DCLK3: variants seen among roughly 807,000 people sequenced by gnomAD.
The protein encoded by DCLK3 is serine/threonine-protein kinase DCLK3.
Under a neutral mutation model 46.4 loss-of-function variants are expected in DCLK3, and 30 were observed. The observed-to-expected ratio is 0.65, with a 90% CI of 0.48 to 0.88. The LOEUF is 0.88. Among genes scored for constraint, DCLK3 ranks in the 40% least tolerant of loss-of-function variants. DCLK3 has a pLI of 0.00. For synonymous variants in DCLK3, 401 were observed against 339.2 expected (o/e 1.18, Z -2.00); for missense variants, 846 against 907.1 (o/e 0.93, Z 0.87).
intron 1 of DCLK3, among the ~76,000 whole-genome samples, chr3:36,745,316 G>A (rs537156666): frequency 2.6e-5 from 4 of 152,194 alleles, no homozygotes; most frequent in South Asian, 2.1e-4. Flanking sequence ...CAGTATTAAC[G>A]TCAGAATTTT....
chr3:36,757,119 T>C lies in DCLK3; in HGVS notation c.82+7063A>G, dbSNP rs140007490. On this transcript the variant is annotated intron_variant, in intron 1 of 4. Transcript: ENST00000636136. ...GTAAATACCAAGTTACATTTTAAAA[T>C]ATGTAATGCCAAAATTTTAATTAAC... 7.4e-4 allele frequency among the ~76,000 whole-genome samples: 112 copies of C among 152,292 alleles called. 2 individuals are homozygous for C. The highest frequency in any genetic ancestry group is 2.6e-3 in the African/African-American group (107 of 41,546).
chr3:36,719,848 C>T (rs1305615696), intron 3 of DCLK3, among the ~76,000 whole-genome samples: 2 of 152,238 alleles, frequency 1.3e-5, no homozygotes, highest in East Asian at 1.9e-4. Flanking sequence ...TTAGTTGGTG[C>T]TACCACCAAT....
At position 36,715,213 on chromosome 3, in the gene DCLK3, C is replaced by T. The variant is rs991429671; in HGVS notation, c.*115G>A. On this transcript the variant is annotated 3_prime_UTR_variant, in exon 5 of 5. Transcript: ENST00000636136. The stretch of plus-strand genomic sequence containing the variant: ...CTTTAAAATATACTCAGTGTCTCTC[C>T]CTCTGATTCACCAATTATGTGAAGA... 13 of 1,163,024 alleles carry T rather than the reference C, an allele frequency of 1.1e-5. No homozygotes were observed. The highest frequency in any genetic ancestry group is 1.5e-5 in the Non-Finnish European group (13 of 843,050). The allele number at this position is 1,163,024 out of a possible 1,614,324, so 72.0% of individuals were successfully genotyped here.
intron 2 of DCLK3, among the ~76,000 whole-genome samples, chr3:36,732,989 G>C (rs7651380): frequency 6.6e-6 from 1 of 152,148 alleles, no homozygotes; most frequent in African/African-American, 2.4e-5. Flanking sequence ...AAGTGTGGCC[G>C]GCTACTCTTT....
intron 2 of DCLK3, among the ~76,000 whole-genome samples, chr3:36,735,955 G>C (rs1402842044): frequency 6.6e-6 from 1 of 152,252 alleles, no homozygotes; most frequent in Non-Finnish European, 1.5e-5. Flanking sequence ...TAAGAGGAGG[G>C]AGACAGAAAG....
intron 2 of DCLK3, among the ~76,000 whole-genome samples, chr3:36,735,490 G>T (rs1701249848): frequency 6.6e-6 from 1 of 152,178 alleles, no homozygotes; most frequent in Admixed American, 6.5e-5. Context: ...CATTTCACTG[G>T]ATAATTAGCT....
At chr3:36,746,706 T>C (rs1701396379) in intron 1 of DCLK3, among the ~76,000 whole-genome samples, 1 of 152,134 alleles carries the variant, frequency 6.6e-6, no homozygotes, top group Non-Finnish European at 1.5e-5. Context: ...AAGGTCTGAG[T>C]TTTTCCCTGC....
rs576527131 is a variant in DCLK3 at position 36,736,460 on chromosome 3, G to T, written c.1959+748C>A. Reference sequence around the variant, plus strand: ...GTCTTGATCCATTATGGTCAGAGTGGCCTTATCTGATGTTGTGATCTGTGA... The same window carrying T: ...GTCTTGATCCATTATGGTCAGAGTGTCCTTATCTGATGTTGTGATCTGTGA... On this transcript the variant is annotated intron_variant, in intron 2 of 4. Coordinates refer to ENST00000636136, the MANE Select transcript of DCLK3 (RefSeq NM_001394672.2). 5.9e-5 allele frequency among the ~76,000 whole-genome samples: 9 copies of T among 152,248 alleles called. No homozygotes were observed. In the East Asian group the frequency reaches 1.7e-3, roughly 29 times the overall value.
At chr3:36,720,329 G>C (rs1701039347) in intron 3 of DCLK3, among the ~76,000 whole-genome samples, 1 of 152,152 alleles carries the variant, frequency 6.6e-6, no homozygotes, top group Admixed American at 6.5e-5. Context: ...ACAGCCTGCA[G>C]AACCCTGAAC....
At chr3:36,740,492 A>G (rs1212383437) in intron 1 of DCLK3, among the ~76,000 whole-genome samples, 2 of 152,178 alleles carry the variant, frequency 1.3e-5, no homozygotes, top group African/African-American at 4.8e-5. Context: ...TAGGTGTAAA[A>G]ACTTCCTTGT....
At position 36,715,309 on chromosome 3, in the gene DCLK3, C is replaced by A; in HGVS notation, c.*19G>T. The A allele has an allele frequency of 1.2e-6, 2 of 1,613,810 alleles. No homozygotes were observed. The highest frequency in any genetic ancestry group is 1.7e-6 in the Non-Finnish European group (2 of 1,179,894). On this transcript the variant is annotated 3_prime_UTR_variant, in exon 5 of 5. Transcript: ENST00000636136. ...TCCTTGAGCAGAACTGGGGGCTGGA[C>A]AGATTCCCAAGGTGGTGACTATGAT...
intron 2 of DCLK3, among the ~76,000 whole-genome samples, chr3:36,725,908 A>G (rs999864376): frequency 1.3e-5 from 2 of 152,160 alleles, no homozygotes; most frequent in Non-Finnish European, 2.9e-5. Context: ...AACAAGTCCA[A>G]GTGACTGGCT....
chr3:36,731,347 C>A (rs147260147), intron 2 of DCLK3, among the ~76,000 whole-genome samples: 2 of 152,214 alleles, frequency 1.3e-5, no homozygotes, highest in Non-Finnish European at 2.9e-5. Flanking sequence ...GCTCCATCAT[C>A]ACATAAAGAT....
At chr3:36,757,560 T>C (rs1198356076) in intron 1 of DCLK3, among the ~76,000 whole-genome samples, 3 of 152,124 alleles carry the variant, frequency 2.0e-5, no homozygotes, top group Non-Finnish European at 4.4e-5. Flanking sequence ...GCAAGCACAA[T>C]AGAAAAGCTA....
intron 1 of DCLK3, among the ~76,000 whole-genome samples, chr3:36,762,675 G>A (rs1041286742): frequency 4.6e-5 from 7 of 152,086 alleles, no homozygotes; most frequent in African/African-American, 1.2e-4. Context: ...AGGCTCTGCC[G>A]CCCAAGGGTC....
At position 36,735,740 on chromosome 3, in the gene DCLK3, T is replaced by TA. The variant is rs555837250; in HGVS notation, c.1959+1467dup. ...TGCTTACTCATGATACTCACCTTGA[T>TA]ATCAGGGTTGTTTTTAATGTAATAA... On this transcript the variant is annotated intron_variant, in intron 2 of 4. Coordinates refer to ENST00000636136, the MANE Select transcript of DCLK3 (RefSeq NM_001394672.2). Among the ~76,000 whole-genome samples the TA allele has an allele frequency of 5.9e-5, 9 of 152,352 alleles. No homozygotes were observed. In the South Asian group the frequency reaches 1.9e-3, roughly 32 times the overall value.
intron 1 of DCLK3, among the ~76,000 whole-genome samples, chr3:36,759,669 C>T (rs960322961): frequency 3.3e-5 from 5 of 152,200 alleles, no homozygotes; most frequent in African/African-American, 9.7e-5. Context: ...GTGACCTGAA[C>T]ACACCAAGCT....
intron 4 of DCLK3, among the ~76,000 whole-genome samples, chr3:36,717,116 AC>A (rs1700993924): frequency 6.6e-6 from 1 of 152,074 alleles, no homozygotes; most frequent in Admixed American, 6.6e-5. Flanking sequence ...CTCCTATTCT[AC>A]TTTATTTTTA....
At chr3:36,722,740 G>A (rs1389062010) in intron 2 of DCLK3, among the ~76,000 whole-genome samples, 17 of 152,308 alleles carry the variant, frequency 1.1e-4, no homozygotes, top group Admixed American at 1.0e-3. Context: ...CATGTAAGAT[G>A]TGACTTGCTC....
Sources: allele counts gnomAD v4.1 joint callset (sites outside exome capture counted in the v4.1 genomes callset), GRCh38; gene constraint gnomAD v4.1.1; transcripts MANE v1.5; gene names NCBI Gene and HGNC (gene_info 2026-07-23, HGNC 2026-07-21).